PPP1R13B: variants seen among roughly 807,000 people sequenced by gnomAD.
PPP1R13B encodes the protein apoptosis-stimulating of p53 protein 1.
A neutral mutation model predicts 119.8 loss-of-function variants in PPP1R13B; 44 were observed. The ratio of observed to expected loss-of-function variants is 0.37; its 90% CI spans 0.29 to 0.47. PPP1R13B has a LOEUF of 0.47. Among genes scored for constraint, PPP1R13B ranks in the 20% least tolerant of loss-of-function variants. The pLI is 0.99. For synonymous variants in PPP1R13B, 542 were observed against 561.5 expected (o/e 0.97, Z 0.49); for missense variants, 1,227 against 1,413.5 (o/e 0.87, Z 2.12).
intron 4 of PPP1R13B, among the ~76,000 whole-genome samples, chr14:103,777,736 C>CT (rs2085239848): frequency 1.3e-5 from 2 of 151,670 alleles, no homozygotes; most frequent in South Asian, 4.2e-4. Flanking sequence ...ACAATATCTA[C>CT]CCCCAAAATA....
At chr14:103,805,167 G>A (rs66676135) in intron 1 of PPP1R13B, among the ~76,000 whole-genome samples, 40,878 of 151,968 alleles carry the variant, frequency 0.27, 6,418 homozygotes, top group Non-Finnish European at 0.34. Context: ...TTTGCCATAT[G>A]GCCCCCAGCA....
At chr14:103,736,236 G>A (rs2295144) in intron 15 of PPP1R13B, 34 bp from the exon 16 acceptor site, 121,802 of 1,600,202 alleles carry the variant, frequency 0.076, 7,202 homozygotes, top group African/African-American at 0.27. Context: ...GGCCTCAGCA[G>A]AGGGTGGCCT....
intron 3 of PPP1R13B, among the ~76,000 whole-genome samples, chr14:103,780,712 G>T (rs2085317063): frequency 6.6e-6 from 1 of 151,422 alleles, no homozygotes; most frequent in Admixed American, 6.6e-5. Flanking sequence ...TACTTGGGAG[G>T]CTGAGACAGG....
chr14:103,828,845 T>C (rs1333303076), intron 1 of PPP1R13B, among the ~76,000 whole-genome samples: 1 of 152,210 alleles, frequency 6.6e-6, no homozygotes, highest in African/African-American at 2.4e-5. Context: ...AAACTTGACA[T>C]TCAAAGAACC....
intron 1 of PPP1R13B, among the ~76,000 whole-genome samples, chr14:103,836,082 G>T (rs1337549450): frequency 1.4e-5 from 2 of 144,282 alleles, no homozygotes; most frequent in African/African-American, 2.6e-5. Flanking sequence ...GTCTCACTTT[G>T]TTGCCCAGGC....
At position 103,736,303 on chromosome 14, in the gene PPP1R13B, T is replaced by A. The variant is rs2084109858; in HGVS notation, c.3032-101A>T. 15 of 1,296,902 alleles carry A rather than the reference T, an allele frequency of 1.2e-5. No individual in the cohort carries two copies. In the Admixed American group the frequency reaches 1.2e-4, roughly 11 times the overall value. 80.3% of individuals were successfully genotyped at this position (1,296,902 alleles called of 1,614,324 possible). A position where few individuals can be genotyped will look rare whatever the true frequency, so the allele number is the denominator to read the frequency against. On this transcript the variant is annotated intron_variant, in intron 15 of 16. Transcript: ENST00000202556. ...ACAGTCGTGCTGCTGCCGAGGCTGC[T>A]CTCAGCAGGCCCCACAGAGGCCAGC...
At chr14:103,834,437 A>T (rs1257496738) in intron 1 of PPP1R13B, among the ~76,000 whole-genome samples, 4 of 152,132 alleles carry the variant, frequency 2.6e-5, no homozygotes, top group Non-Finnish European at 5.9e-5. Flanking sequence ...ATTTCATACA[A>T]GATGGAAGAT....
intron 2 of PPP1R13B, among the ~76,000 whole-genome samples, chr14:103,794,202 A>G (rs2085698530): frequency 6.6e-6 from 1 of 152,204 alleles, no homozygotes; most frequent in Admixed American, 6.5e-5. Context: ...CCTCAGCAAA[A>G]TAATGCACAG....
rs1438534684 is a variant in PPP1R13B, at chr14:103,740,932, A to G, written c.1823-339T>C. Among the ~76,000 whole-genome samples, 1 of 152,262 alleles carries G rather than the reference A, an allele frequency of 6.6e-6. No individual in the cohort carries two copies. The highest frequency in any genetic ancestry group is 1.5e-5 in the Non-Finnish European group (1 of 68,048). On this transcript the variant is annotated intron_variant, in intron 11 of 16. Coordinates refer to ENST00000202556, the MANE Select transcript of PPP1R13B (RefSeq NM_015316.3). The surrounding 1 kb of genome is among the most constrained non-coding windows in gnomAD (Gnocchi z 4.6). Reference sequence around the variant, plus strand: ...GCCAAGGAAAAAGACAAAAACCACTAAACATGCATCTGATTCTTGGACTAA... The same window carrying G: ...GCCAAGGAAAAAGACAAAAACCACTGAACATGCATCTGATTCTTGGACTAA...
intron 1 of PPP1R13B, among the ~76,000 whole-genome samples, chr14:103,827,662 A>T (rs1374941836): frequency 6.7e-6 from 1 of 149,024 alleles, no homozygotes; most frequent in Non-Finnish European, 1.5e-5. Context: ...AATACTATAG[A>T]TATATAAATA....
intron 1 of PPP1R13B, among the ~76,000 whole-genome samples, chr14:103,815,828 AAT>A (rs2152064091): frequency 6.6e-6 from 1 of 152,240 alleles, no homozygotes; most frequent in African/African-American, 2.4e-5. Flanking sequence ...TCATGCCTGT[AAT>A]CCCAGCACTT....
chr14:103,758,291 G>A (rs1379794421), intron 4 of PPP1R13B, among the ~76,000 whole-genome samples: 2 of 152,188 alleles, frequency 1.3e-5, no homozygotes, highest in Non-Finnish European at 2.9e-5. Flanking sequence ...GTAACATCTA[G>A]ATGAATGCAG....
chr14:103,770,463 C>T (rs1174302226), intron 4 of PPP1R13B, among the ~76,000 whole-genome samples: 1 of 151,766 alleles, frequency 6.6e-6, no homozygotes, highest in Non-Finnish European at 1.5e-5. Context: ...TGCAGTGAGT[C>T]GAGATTGTGC....
chr14:103,822,564 A>G (rs1023463983), intron 1 of PPP1R13B, among the ~76,000 whole-genome samples: 1 of 152,228 alleles, frequency 6.6e-6, no homozygotes, highest in East Asian at 1.9e-4. Flanking sequence ...CTGTAATCCC[A>G]GCACTTTGGG....
upstream of PPP1R13B, among the ~76,000 whole-genome samples, chr14:103,848,007 C>T (rs1034888034): frequency 6.6e-6 from 1 of 151,760 alleles, no homozygotes; most frequent in East Asian, 1.9e-4. Context: ...CGCGGCCTGA[C>T]CCCCGGCTGC....
chr14:103,813,124 A>G (rs1056869739), intron 1 of PPP1R13B, among the ~76,000 whole-genome samples: 3 of 152,224 alleles, frequency 2.0e-5, no homozygotes, highest in Non-Finnish European at 2.9e-5. Context: ...AGCTTTGTTC[A>G]TAATTGCCAA....
At chr14:103,743,045 C>G (rs569810827) in intron 9 of PPP1R13B, 3 of 558,148 alleles carry the variant, frequency 5.4e-6, no homozygotes, top group Non-Finnish European at 9.5e-6. Context: ...TGGCAGCTCA[C>G]TGCCAACGCC....
rs1356020891 is a variant in PPP1R13B, at chr14:103,739,342, G to A, written c.2593-319C>T. 1.1e-5 allele frequency: 4 copies of A among 362,600 alleles called. No homozygotes were observed. The South Asian group carries it at 2.8e-4, about 25-fold the overall frequency. 22.5% of individuals were successfully genotyped at this position (362,600 alleles called of 1,614,324 possible). A position where few individuals can be genotyped will look rare whatever the true frequency, so the allele number is the denominator to read the frequency against. ...GGTGGCGTGTGACTGCCAAGTAGCT[G>A]ATGGGAGCCAGCAGCTCGTTCCTGC... On this transcript the variant is annotated intron_variant, in intron 12 of 16. Transcript: ENST00000202556.
chr14:103,788,199 T>C (rs2085518170), intron 2 of PPP1R13B, among the ~76,000 whole-genome samples: 1 of 152,192 alleles, frequency 6.6e-6, no homozygotes, highest in South Asian at 2.1e-4. Flanking sequence ...CCAATTCTGT[T>C]TTTAGTCTCA....
Sources: gnomAD v4.1 joint callset for allele counts (sites outside exome capture counted in the v4.1 genomes callset) on GRCh38, gnomAD v4.1.1 for gene constraint, Gnocchi (gnomAD v3.1) non-coding constraint, MANE v1.5 for transcripts, NCBI Gene and HGNC (gene_info 2026-07-23, HGNC 2026-07-21) for gene names.